The following CAMTA1 variants were observed in gnomAD, a reference collection of about 807,000 sequenced individuals.
The protein encoded by CAMTA1 is calmodulin-binding transcription activator 1.
Under a neutral mutation model 170.9 loss-of-function variants are expected in CAMTA1, and 27 were observed. The observed-to-expected ratio is 0.16, with a 90% confidence interval of 0.12 to 0.22. CAMTA1 has a LOEUF of 0.22. CAMTA1 is among the 10% of genes least tolerant of loss of function. The pLI is 1.00. For synonymous variants in CAMTA1, 833 were observed against 891.5 expected (o/e 0.93, Z 1.17); for missense variants, 1,619 against 2,217.2 (o/e 0.73, Z 5.42).
In CAMTA1 at chr1:7,663,809, A is replaced by ACCT. The variant is rs758947713; in HGVS notation, c.1267_1269dup (p.Leu423dup). The ACCT allele has an allele frequency of 2.5e-6, 4 of 1,613,222 alleles. No homozygotes were observed. In the African/African-American group the frequency reaches 5.4e-5, roughly 22 times the overall value. ...TCCCCCACCGCTGGCCCCAACCACC[A>ACCT]CCTCCTCTCACCTGACGCCTCTCAG... is the stretch of plus-strand genomic sequence containing the variant. On this transcript the variant is annotated inframe_insertion, in exon 9 of 23. Transcript: ENST00000303635.
At chr1:6,897,774 A>G (rs1675966680) in intron 3 of CAMTA1, among the ~76,000 whole-genome samples, 1 of 152,228 alleles carries the variant, frequency 6.6e-6, no homozygotes, top group Non-Finnish European at 1.5e-5. Context: ...GCACTTCTAG[A>G]TGGATATATG....
In CAMTA1 at chr1:7,634,252, G is replaced by T. The variant is rs1026883194; in HGVS notation, c.511-6148G>T. Among the ~76,000 whole-genome samples, 5 of 152,120 alleles carry T rather than the reference G, an allele frequency of 3.3e-5. No individual in the cohort carries two copies. The highest frequency in any genetic ancestry group is 7.2e-5 in the African/African-American group (3 of 41,408). On this transcript the variant is annotated intron_variant, in intron 6 of 22. Transcript: ENST00000303635. The surrounding 1 kb of genome is among the most constrained non-coding windows in gnomAD (Gnocchi z 6.2). ...ATTGCAGGCAGGGGGTATATGGGAG[G>T]ATTAGGCTTCCTGGGGTGGGAGAAA...
In CAMTA1 at chr1:7,010,457, C is replaced by T. The variant is rs538673603; in HGVS notation, c.235-80847C>T. 1.4e-4 allele frequency among the ~76,000 whole-genome samples: 21 copies of T among 152,314 alleles called. No homozygotes were observed. The highest frequency in any genetic ancestry group is 6.2e-4 in the South Asian group (3 of 4,820). Reference sequence around the variant, plus strand: ...TGTCAGTCCTGAGGATGCCAGGAGACGCTTTCTGAACACAGTCTGCGTCCT... The same window carrying T: ...TGTCAGTCCTGAGGATGCCAGGAGATGCTTTCTGAACACAGTCTGCGTCCT... On this transcript the variant is annotated intron_variant, in intron 3 of 22. Transcript: ENST00000303635. The surrounding 1 kb of genome is among the most constrained non-coding windows in gnomAD (Gnocchi z 4.4).
chr1:6,798,126 G>T (rs934230948), intron 1 of CAMTA1, among the ~76,000 whole-genome samples: 12 of 151,612 alleles, frequency 7.9e-5, no homozygotes, highest in African/African-American at 2.7e-4. Context: ...CCCCCAAGTA[G>T]CTAGGATTAC....
chr1:6,864,460 G>A (rs1204691965), intron 3 of CAMTA1, among the ~76,000 whole-genome samples: 3 of 152,030 alleles, frequency 2.0e-5, no homozygotes, highest in African/African-American at 7.3e-5. Flanking sequence ...GCCTTTGAGC[G>A]GCTTCTTGTT....
intron 3 of CAMTA1, among the ~76,000 whole-genome samples, chr1:6,937,536 T>TCA: frequency 2.9e-5 from 1 of 34,928 alleles, no homozygotes; most frequent in Admixed American, 3.2e-4. Context: ...ACCATCACCA[T>TCA]TCACCACTTA....
Position 7,736,790 on chromosome 1 carries a change from A to G in CAMTA1, c.3264-141A>G. ...ACCCCTAGCCAAATGGAGCGTCCAC[A>G]CTGCCCTGGGACTCTGTTTCTTCAC... is the stretch of plus-strand genomic sequence containing the variant. On this transcript the variant is annotated intron_variant, in intron 13 of 22. Transcript: ENST00000303635. The surrounding 1 kb of genome is among the most constrained non-coding windows in gnomAD (Gnocchi z 4.5). 1.3e-6 allele frequency: 1 copy of G among 743,506 alleles called. No homozygotes were observed. Among genetic ancestry groups the G allele is most frequent in the Non-Finnish European group, 2.3e-6 (1 of 439,932 alleles). The allele number at this position is 743,506 out of a possible 1,614,324, so 46.1% of individuals were successfully genotyped here. A position where few individuals can be genotyped will look rare whatever the true frequency, so the allele number is the denominator to read the frequency against.
chr1:7,432,450 C>T (rs904084123), intron 5 of CAMTA1, among the ~76,000 whole-genome samples: 3 of 152,188 alleles, frequency 2.0e-5, no homozygotes, highest in East Asian at 1.9e-4. Context: ...GAGCATGTTC[C>T]GGTAGCGGCC....
intron 3 of CAMTA1, among the ~76,000 whole-genome samples, chr1:7,055,256 C>A (rs114122948): frequency 0.013 from 1,908 of 152,278 alleles, 12 homozygotes; most frequent in Non-Finnish European, 0.02. Flanking sequence ...GAATGTGTGA[C>A]CAGCACATAG....
intron 3 of CAMTA1, among the ~76,000 whole-genome samples, chr1:7,081,922 T>G (rs9434829): frequency 0.14 from 21,636 of 152,242 alleles, 1,672 homozygotes; most frequent in East Asian, 0.28. Flanking sequence ...GGGCCGCCAA[T>G]TTGTGACCTT....
intron 5 of CAMTA1, among the ~76,000 whole-genome samples, chr1:7,449,637 G>A (rs2092766610): frequency 6.6e-6 from 1 of 151,976 alleles, no homozygotes; most frequent in Non-Finnish European, 1.5e-5. Flanking sequence ...GGGCGTCATG[G>A]TGCATGTCTG....
At chr1:7,190,359 C>T (rs1219661309) in intron 4 of CAMTA1, among the ~76,000 whole-genome samples, 1 of 152,136 alleles carries the variant, frequency 6.6e-6, no homozygotes, top group Non-Finnish European at 1.5e-5. Flanking sequence ...TGTCTATGTA[C>T]ACATATCTCT....
intron 5 of CAMTA1, among the ~76,000 whole-genome samples, chr1:7,403,213 G>T (rs890779644): frequency 9.9e-5 from 15 of 152,108 alleles, no homozygotes; most frequent in Admixed American, 9.8e-4. Flanking sequence ...AATTAGCCAG[G>T]CGTGATGACG....
At chr1:7,158,903 AG>A (rs1647043207) in intron 4 of CAMTA1, among the ~76,000 whole-genome samples, 3 of 136,938 alleles carry the variant, frequency 2.2e-5, no homozygotes, top group South Asian at 5.1e-4. Flanking sequence ...GCTTGCTAAG[AG>A]TGGGGCTCAA....
intron 4 of CAMTA1, among the ~76,000 whole-genome samples, chr1:7,180,183 G>A (rs752289062): frequency 5.3e-5 from 8 of 151,878 alleles, no homozygotes; most frequent in Non-Finnish European, 1.0e-4. Flanking sequence ...CGTGGCCAAC[G>A]TGGTAAAACC....
At position 6,918,878 on chromosome 1, in the gene CAMTA1, C is replaced by G. The variant is rs1250693265; in HGVS notation, c.234+93668C>G. Reference sequence around the variant, plus strand: ...TCTGAATCGGGCCCAGCAGAACTAGCCGCTCTCATGGCCTCAAATTCAAGG... The same window carrying G: ...TCTGAATCGGGCCCAGCAGAACTAGGCGCTCTCATGGCCTCAAATTCAAGG... On this transcript the variant is annotated intron_variant, in intron 3 of 22. Coordinates refer to ENST00000303635, the MANE Select transcript of CAMTA1 (RefSeq NM_015215.4). The surrounding 1 kb of genome is among the most constrained non-coding windows in gnomAD (Gnocchi z 4.0). 1.3e-5 allele frequency among the ~76,000 whole-genome samples: 2 copies of G among 152,190 alleles called. No homozygotes were observed. The highest frequency in any genetic ancestry group is 2.4e-5 in the African/African-American group (1 of 41,436).
chr1:7,737,922 C>A, intron 15 of CAMTA1, 37 bp from the exon 16 acceptor site: 2 of 1,550,586 alleles, frequency 1.3e-6, no homozygotes, highest in South Asian at 2.5e-5. Context: ...CTAGTTGTAT[C>A]TCCTGTCCTG....
intron 6 of CAMTA1, among the ~76,000 whole-genome samples, chr1:7,605,990 C>T (rs2095483421): frequency 6.6e-6 from 1 of 152,228 alleles, no homozygotes. Context: ...CATCCCTGCC[C>T]TCCTGCCCTC....
chr1:7,118,290 C>CTTTTTTT (rs58318758), intron 4 of CAMTA1, among the ~76,000 whole-genome samples: 5 of 112,500 alleles, frequency 4.4e-5, no homozygotes, highest in Non-Finnish European at 8.7e-5. Context: ...TCTTGGCATC[C>CTTTTTTT]TTTTTTTTTT....
Sources: allele counts gnomAD v4.1 joint callset (sites outside exome capture counted in the v4.1 genomes callset), GRCh38; gene constraint gnomAD v4.1.1; non-coding constraint Gnocchi (gnomAD v3.1); transcripts MANE v1.5; gene names NCBI Gene and HGNC (gene_info 2026-07-23, HGNC 2026-07-21).